The following SPAG16 variants were observed in gnomAD, a reference collection of about 807,000 sequenced individuals.
The protein encoded by SPAG16 is sperm-associated antigen 16 protein.
Under a neutral mutation model 80.4 loss-of-function variants are expected in SPAG16, and 86 were observed. That is an observed-to-expected ratio of 1.07 (90% CI 0.90 to 1.28). The LOEUF (loss-of-function observed/expected upper bound fraction) is 1.28, where lower values mean the gene tolerates loss of function less well. Among genes scored for constraint, SPAG16 ranks in the 50% most tolerant of loss-of-function variants. The pLI is 0.00. For missense variants in SPAG16, 870 were observed against 765.3 expected (o/e 1.14, Z -1.61); for synonymous variants, 294 against 265.9 (o/e 1.11, Z -1.03).
At chr2:213,477,385 CCTGAAAAAGCCACAGACA>C (rs1428155642) in intron 9 of SPAG16, among the ~76,000 whole-genome samples, 2 of 152,142 alleles carry the variant, frequency 1.3e-5, no homozygotes, top group African/African-American at 4.8e-5. Flanking sequence ...GCACCATGCA[CCTGAAAAAGCCACAGACA>C]CTTAACACCA....
At chr2:213,664,401 A>G (rs1432828813) in intron 10 of SPAG16, among the ~76,000 whole-genome samples, 3 of 152,102 alleles carry the variant, frequency 2.0e-5, no homozygotes, top group Non-Finnish European at 4.4e-5. Flanking sequence ...TGTTATTTAA[A>G]CAAGGACACT....
At chr2:213,675,361 T>G (rs1436453408) in intron 10 of SPAG16, among the ~76,000 whole-genome samples, 2 of 152,214 alleles carry the variant, frequency 1.3e-5, no homozygotes, top group Non-Finnish European at 2.9e-5. Context: ...TGGTAGTTTC[T>G]TTTGCTGTGC....
At chr2:213,298,583 A>G (rs528708685) in intron 3 of SPAG16, among the ~76,000 whole-genome samples, 2 of 152,370 alleles carry the variant, frequency 1.3e-5, no homozygotes, top group Admixed American at 6.5e-5. Context: ...TAAGTGGATC[A>G]TTGAATGAAA....
At chr2:213,348,475 A>G (rs1229142810) in intron 6 of SPAG16, among the ~76,000 whole-genome samples, 1 of 152,030 alleles carries the variant, frequency 6.6e-6, no homozygotes, top group African/African-American at 2.4e-5. Context: ...CCTAGCCTCG[A>G]TGGTCTTTAC....
At chr2:213,785,804 T>C (rs967030380) in intron 10 of SPAG16, among the ~76,000 whole-genome samples, 2 of 151,960 alleles carry the variant, frequency 1.3e-5, no homozygotes, top group African/African-American at 4.8e-5. Context: ...ATCAAGAGAC[T>C]GAGAACATCC....
At chr2:213,717,804 T>C (rs1200502878) in intron 10 of SPAG16, among the ~76,000 whole-genome samples, 6 of 152,156 alleles carry the variant, frequency 3.9e-5, no homozygotes, top group Admixed American at 3.3e-4. Context: ...TTTTGCAAGA[T>C]ACAGATTACA....
At chr2:214,382,673 G>A (rs77966888) in intron 15 of SPAG16, among the ~76,000 whole-genome samples, 1 of 152,218 alleles carries the variant, frequency 6.6e-6, no homozygotes, top group African/African-American at 2.4e-5. Flanking sequence ...CTCACTGAAA[G>A]TTTCCATATT....
intron 9 of SPAG16, among the ~76,000 whole-genome samples, chr2:213,419,330 A>G (rs752883319): frequency 5.3e-5 from 8 of 151,906 alleles, no homozygotes; most frequent in Non-Finnish European, 1.0e-4. Flanking sequence ...ACACATTTTA[A>G]TTTTTCTTTA....
intron 15 of SPAG16, among the ~76,000 whole-genome samples, chr2:214,151,024 G>T (rs1347629301): frequency 6.6e-6 from 1 of 151,950 alleles, no homozygotes; most frequent in African/African-American, 2.4e-5. Flanking sequence ...GTATGAACGA[G>T]GGACTCTAAT....
chr2:213,629,523 C>T (rs2062069698), intron 10 of SPAG16, among the ~76,000 whole-genome samples: 1 of 152,152 alleles, frequency 6.6e-6, no homozygotes, highest in Non-Finnish European at 1.5e-5. Flanking sequence ...AATTTAGAGC[C>T]TGTTACATAT....
intron 15 of SPAG16, among the ~76,000 whole-genome samples, chr2:214,352,923 G>GT (rs1698520160): frequency 6.6e-6 from 1 of 151,914 alleles, no homozygotes; most frequent in African/African-American, 2.4e-5. Flanking sequence ...TTACTATACT[G>GT]TCACCCCATG....
At chr2:214,288,659 AT>A (rs1693561609) in intron 15 of SPAG16, among the ~76,000 whole-genome samples, 1 of 152,046 alleles carries the variant, frequency 6.6e-6, no homozygotes, top group Non-Finnish European at 1.5e-5. Context: ...TGTGGTTTTA[AT>A]TTTCATTTCC....
At chr2:213,346,275 T>C (rs980388766) in intron 6 of SPAG16, among the ~76,000 whole-genome samples, 1 of 152,162 alleles carries the variant, frequency 6.6e-6, no homozygotes, top group Non-Finnish European at 1.5e-5. Flanking sequence ...CTTAAGGAGA[T>C]TTTGGGCTGA....
chr2:214,062,439 A>G (rs1367156684), intron 13 of SPAG16, among the ~76,000 whole-genome samples: 5 of 150,522 alleles, frequency 3.3e-5, no homozygotes, highest in Non-Finnish European at 3.0e-5. Context: ...AAAAAAAAAA[A>G]AAAAAGAAAC....
intron 14 of SPAG16, 39 bp from the exon 15 acceptor site, chr2:214,149,101 A>G (rs1215874166): frequency 2.0e-6 from 2 of 987,356 alleles, no homozygotes; most frequent in Non-Finnish European, 2.9e-6. Context: ...ATATATACAT[A>G]CATACACATT....
chr2:213,963,534 T>A (rs557335062), intron 12 of SPAG16, among the ~76,000 whole-genome samples: 28 of 152,280 alleles, frequency 1.8e-4, no homozygotes, highest in East Asian at 5.8e-4. Flanking sequence ...TCTATAGATA[T>A]GTTAGTTCTA....
chr2:213,629,865 G>T (rs946455399), intron 10 of SPAG16, among the ~76,000 whole-genome samples: 2 of 152,128 alleles, frequency 1.3e-5, no homozygotes, highest in Non-Finnish European at 2.9e-5. Context: ...TCCTTCCTGG[G>T]TCTGGCTCTC....
Position 214,258,148 on chromosome 2 carries a change from G to A in SPAG16, c.1720+108882G>A, listed in dbSNP as rs535242988. Among the ~76,000 whole-genome samples the A allele has an allele frequency of 9.6e-4, 146 of 151,978 alleles. 1 individual carries two copies. Among genetic ancestry groups the A allele is most frequent in the Non-Finnish European group, 1.6e-3 (109 of 67,934 alleles). On this transcript the variant is annotated intron_variant, in intron 15 of 15. Coordinates refer to ENST00000331683, the MANE Select transcript of SPAG16 (RefSeq NM_024532.5). ...AGAACAGGTGATTTTTGGTTATGTA[G>A]AAGTTCTTTAGCAGTGATTTCTGAG...
At chr2:213,783,324 A>T (rs1185060288) in intron 10 of SPAG16, among the ~76,000 whole-genome samples, 1 of 152,002 alleles carries the variant, frequency 6.6e-6, no homozygotes, top group African/African-American at 2.4e-5. Flanking sequence ...TAATAAAAAA[A>T]AAAAAAAAAA....
Sources: gnomAD v4.1 joint callset for allele counts (sites outside exome capture counted in the v4.1 genomes callset) on GRCh38, gnomAD v4.1.1 for gene constraint, MANE v1.5 for transcripts, NCBI Gene and HGNC (gene_info 2026-07-23, HGNC 2026-07-21) for gene names.